The following TAFA2 variants were observed in gnomAD, a reference collection of about 807,000 sequenced individuals.
The protein encoded by TAFA2 is chemokine-like protein TAFA-2.
In TAFA2, 7 loss-of-function variants were observed where a neutral mutation model predicts 18.8. The observed-to-expected ratio is 0.37, with a 90% CI of 0.21 to 0.70. The LOEUF (loss-of-function observed/expected upper bound fraction) is 0.70, where lower values mean the gene tolerates loss of function less well. TAFA2 is among the 30% of genes least tolerant of loss of function. The pLI is 0.53. For synonymous variants in TAFA2, 60 were observed against 54.2 expected, an observed-to-expected ratio of 1.11 and a Z score of -0.47; for missense variants, 122 against 158.1, an observed-to-expected ratio of 0.77 and a Z score of 1.23.
At chr12:61,923,297 G>A (rs1235095574) in intron 1 of TAFA2, among the ~76,000 whole-genome samples, 1 of 152,188 alleles carries the variant, frequency 6.6e-6, no homozygotes, top group East Asian at 1.9e-4. Flanking sequence ...CTGACTGGGA[G>A]ACACCTCCCA....
rs143497030 is a variant in TAFA2 at position 61,964,218 on chromosome 12, G to A, written c.-1-96792C>T. Among the ~76,000 whole-genome samples, 363 of 152,126 alleles carry A rather than the reference G, an allele frequency of 2.4e-3. 4 individuals carry two copies. The highest frequency in any genetic ancestry group is 8.3e-3 in the African/African-American group (346 of 41,542). ...AGCAGTTGCAGCAAAAGCCAGAATT[G>A]ACAAATGAGATCTAATTGAACTAAA... On this transcript the variant is annotated intron_variant, in intron 1 of 4. Coordinates refer to ENST00000416284, the MANE Select transcript of TAFA2 (RefSeq NM_178539.5).
intron 2 of TAFA2, among the ~76,000 whole-genome samples, chr12:61,854,264 A>C (rs996947306): frequency 1.3e-5 from 2 of 152,150 alleles, no homozygotes; most frequent in African/African-American, 4.8e-5. Context: ...CAATAAGAAG[A>C]TACAAAATTT....
Position 62,199,033 on chromosome 12 carries a change from C to T in TAFA2, c.-130+59730G>A, listed in dbSNP as rs150709036. 1.5e-4 allele frequency among the ~76,000 whole-genome samples: 22 copies of T among 150,954 alleles called. No homozygotes were observed. The East Asian group carries it at 3.9e-3, about 26-fold the overall frequency. On this transcript the variant is annotated intron_variant, in intron 1 of 5. Transcript: ENST00000551619. Reference sequence around the variant, plus strand: ...AGAAACATTTATTTAGTTCACATTTCTGTGGATTGGCAATTTGTTTTTGGC... The same window carrying T: ...AGAAACATTTATTTAGTTCACATTTTTGTGGATTGGCAATTTGTTTTTGGC...
chr12:62,053,278 T>C (rs1418636277), intron 1 of TAFA2, among the ~76,000 whole-genome samples: 5 of 152,228 alleles, frequency 3.3e-5, no homozygotes, highest in African/African-American at 1.2e-4. Flanking sequence ...GTAGTATATT[T>C]TTACTTGTTT....
chr12:61,784,000 T>C (rs1405343183), intron 2 of TAFA2, among the ~76,000 whole-genome samples: 1 of 151,400 alleles, frequency 6.6e-6, no homozygotes, highest in Admixed American at 6.6e-5. Context: ...TAAATAGAAA[T>C]AGGAGGCATA....
intron 1 of TAFA2, among the ~76,000 whole-genome samples, chr12:62,255,650 C>G (rs112542112): frequency 1.3e-5 from 2 of 150,944 alleles, no homozygotes; most frequent in Non-Finnish European, 3.0e-5. Context: ...GTCAGGAGAT[C>G]GAGACCAGCC....
At chr12:62,177,278 G>A (rs539502727) in intron 1 of TAFA2, among the ~76,000 whole-genome samples, 8 of 152,316 alleles carry the variant, frequency 5.3e-5, no homozygotes, top group Admixed American at 1.3e-4. Context: ...TTTCATCCAT[G>A]GCTCTCTCTT....
intron 1 of TAFA2, among the ~76,000 whole-genome samples, chr12:61,924,952 A>G (rs78121051): frequency 6.6e-6 from 1 of 152,324 alleles, no homozygotes; most frequent in Non-Finnish European, 1.5e-5. Flanking sequence ...CTCTGATGAA[A>G]CAGATTTTAA....
In TAFA2 at chr12:61,808,351, T is replaced by C. The variant is rs541935130; in HGVS notation, c.107-53327A>G. Among the ~76,000 whole-genome samples, 20 of 151,674 alleles carry C rather than the reference T, an allele frequency of 1.3e-4. 1 individual carries two copies. The highest frequency in any genetic ancestry group is 3.9e-4 in the African/African-American group (16 of 40,928). ...CGCACCAAATGGTCAATAAACCTCTTTTCTGTAAGTCCAATAAACCTTTTT... is the reference window on the plus strand; with the variant it reads ...CGCACCAAATGGTCAATAAACCTCTCTTCTGTAAGTCCAATAAACCTTTTT... On this transcript the variant is annotated intron_variant, in intron 2 of 4. Coordinates refer to ENST00000416284, the MANE Select transcript of TAFA2 (RefSeq NM_178539.5).
At chr12:61,916,216 T>C (rs1876814942) in intron 1 of TAFA2, among the ~76,000 whole-genome samples, 1 of 152,204 alleles carries the variant, frequency 6.6e-6, no homozygotes. Flanking sequence ...ATATATGTAA[T>C]AAGAGCTAAG....
chr12:61,891,159 C>A (rs1245630339), intron 1 of TAFA2, among the ~76,000 whole-genome samples: 1 of 152,032 alleles, frequency 6.6e-6, no homozygotes, highest in Non-Finnish European at 1.5e-5. Flanking sequence ...ACCAATGTGA[C>A]AATTTTAAGT....
intron 1 of TAFA2, among the ~76,000 whole-genome samples, chr12:61,937,997 T>G (rs952461581): frequency 6.6e-6 from 1 of 151,952 alleles, no homozygotes; most frequent in African/African-American, 2.4e-5. Flanking sequence ...GCAAATGGCA[T>G]GAATAGAATT....
intron 1 of TAFA2, among the ~76,000 whole-genome samples, chr12:62,146,234 C>T (rs1163175208): frequency 6.6e-6 from 1 of 151,802 alleles, no homozygotes; most frequent in Non-Finnish European, 1.5e-5. Context: ...TATGCCATAC[C>T]ACTGCCCTCC....
intron 2 of TAFA2, among the ~76,000 whole-genome samples, chr12:61,778,604 T>C (rs1870372448): frequency 6.6e-6 from 1 of 151,820 alleles, no homozygotes; most frequent in Non-Finnish European, 1.5e-5. Flanking sequence ...TGTCCTGCCC[T>C]CAGGGAAAAG....
chr12:61,839,476 G>C (rs1053186551), intron 2 of TAFA2, among the ~76,000 whole-genome samples: 1 of 151,972 alleles, frequency 6.6e-6, no homozygotes, highest in Non-Finnish European at 1.5e-5. Flanking sequence ...CACTACTCAC[G>C]ATAGCAAAGA....
chr12:62,216,146 G>A (rs200345971), intron 1 of TAFA2, among the ~76,000 whole-genome samples: 1 of 152,164 alleles, frequency 6.6e-6, no homozygotes, highest in Non-Finnish European at 1.5e-5. Context: ...CCAGCATATG[G>A]GGGTAAAGTA....
chr12:62,046,876 A>G (rs1444080577), intron 1 of TAFA2, among the ~76,000 whole-genome samples: 4 of 152,216 alleles, frequency 2.6e-5, no homozygotes, highest in Middle Eastern at 3.4e-3. Context: ...AAAATTTTAA[A>G]GTATACCTTT....
intron 2 of TAFA2, among the ~76,000 whole-genome samples, chr12:61,821,165 AAT>A (rs1872308768): frequency 6.9e-6 from 1 of 145,902 alleles, no homozygotes; most frequent in South Asian, 2.2e-4. Context: ...ACACACACAC[AAT>A]TATTTGGAGG....
At chr12:61,832,023 T>C (rs78192507) in intron 2 of TAFA2, among the ~76,000 whole-genome samples, 2,763 of 152,208 alleles carry the variant, frequency 0.018, 79 homozygotes, top group African/African-American at 0.063. Context: ...TTATGGCAAC[T>C]TGTAATTTCA....
Sources: gnomAD v4.1 joint callset for allele counts (sites outside exome capture counted in the v4.1 genomes callset) on GRCh38, gnomAD v4.1.1 for gene constraint, MANE v1.5 for transcripts, NCBI Gene and HGNC (gene_info 2026-07-23, HGNC 2026-07-21) for gene names.